Variants in COPZ1 observed in about 807,000 individuals in gnomAD.
COPZ1 encodes the protein coatomer subunit zeta-1.
A neutral mutation model predicts 31.7 loss-of-function variants in COPZ1; 4 were observed. The ratio of observed to expected loss-of-function variants is 0.13; its 90% confidence interval spans 0.06 to 0.29. The LOEUF is 0.29. Ranked by LOEUF, COPZ1 falls within the 10% of genes least tolerant of loss-of-function variation. The probability of loss-of-function intolerance (pLI) is 1.00; values close to 1 mark genes in which losing one functional copy is unlikely to be tolerated. For missense variants in COPZ1, 156 were observed against 211.5 expected, an observed-to-expected ratio of 0.74 and a Z score of 1.63; for synonymous variants, 74 against 79.0, an observed-to-expected ratio of 0.94 and a Z score of 0.33.
At chr12:54,344,177 G>A (rs909961455) in intron 4 of COPZ1, among the ~76,000 whole-genome samples, 1 of 152,182 alleles carries the variant, frequency 6.6e-6, no homozygotes, top group South Asian at 2.1e-4. Context: ...TAGGCCGAAC[G>A]TGGTGGCTCA....
intron 2 of COPZ1, among the ~76,000 whole-genome samples, chr12:54,340,978 T>C (rs1953964240): frequency 6.6e-6 from 1 of 152,136 alleles, no homozygotes; most frequent in South Asian, 2.1e-4. Context: ...GGATTACAGG[T>C]GTGAGCCACC....
At chr12:54,340,488 C>T (rs750737631) in intron 1 of COPZ1, 59 bp from the exon 2 acceptor site, 1 of 1,606,166 alleles carries the variant, frequency 6.2e-7, no homozygotes, top group Admixed American at 1.7e-5. Flanking sequence ...GGGAAGGTAT[C>T]TGGTTTACCA....
intron 1 of COPZ1, among the ~76,000 whole-genome samples, chr12:54,328,027 CT>C (rs1565587935): frequency 6.6e-6 from 1 of 152,038 alleles, no homozygotes; most frequent in African/African-American, 2.4e-5. Flanking sequence ...AATCCTAGCA[CT>C]TTGGGAGGCT....
chr12:54,339,890 G>A (rs1292016149), intron 1 of COPZ1, among the ~76,000 whole-genome samples: 1 of 152,000 alleles, frequency 6.6e-6, no homozygotes, highest in Non-Finnish European at 1.5e-5. Context: ...AGTGGTAGTG[G>A]TTAAGGTATA....
At position 54,350,602 on chromosome 12, in the gene COPZ1, C is replaced by T. The variant is rs1026232472; in HGVS notation, c.*79C>T. The T allele has an allele frequency of 1.7e-5, 19 of 1,143,754 alleles. No homozygotes were observed. Among genetic ancestry groups the T allele is most frequent in the Admixed American group, 8.4e-5 (5 of 59,356 alleles). 70.9% of individuals were successfully genotyped at this position (1,143,754 alleles called of 1,614,324 possible). ...GTGAATTTTCATCTAGTTCCCCAAT[C>T]GATGCTCTCAGGGTCATCTCGGGGA... On this transcript the variant is annotated 3_prime_UTR_variant, in exon 9 of 9. Coordinates refer to ENST00000262061, the MANE Select transcript of COPZ1 (RefSeq NM_016057.3).
rs545644099 is a variant in COPZ1, at chr12:54,342,390, T to C, written c.169+103T>C. The C allele has an allele frequency of 4.7e-6, 4 of 842,604 alleles. No individual in the cohort carries two copies. The Admixed American group carries it at 6.3e-5, about 13-fold the overall frequency. 52.2% of individuals were successfully genotyped at this position (842,604 alleles called of 1,614,324 possible). A position where few individuals can be genotyped will look rare whatever the true frequency, so the allele number is the denominator to read the frequency against. On this transcript the variant is annotated intron_variant, in intron 3 of 8. Transcript: ENST00000262061. ...AAAGGATGAAATGACTCTGCCTTTT[T>C]CTTTTTTTTTCCTTCTTCCCCTTGT... is the stretch of plus-strand genomic sequence containing the variant.
intron 1 of COPZ1, chr12:54,340,240 A>G: frequency 2.3e-6 from 1 of 428,944 alleles, no homozygotes; most frequent in Non-Finnish European, 4.1e-6. Flanking sequence ...AATTTGGAAA[A>G]TAACTGTACC....
intron 1 of COPZ1, among the ~76,000 whole-genome samples, chr12:54,334,215 G>A (rs1437539697): frequency 1.3e-5 from 2 of 151,842 alleles, no homozygotes; most frequent in South Asian, 4.2e-4. Flanking sequence ...CCAACATGGC[G>A]AAACCCCGTC....
intron 1 of COPZ1, among the ~76,000 whole-genome samples, chr12:54,338,575 C>T (rs2137098814): frequency 6.6e-6 from 1 of 152,288 alleles, no homozygotes; most frequent in Middle Eastern, 3.4e-3. Flanking sequence ...CCCAAAGTGG[C>T]CACATCAGAA....
At position 54,332,528 on chromosome 12, in the gene COPZ1, G is replaced by C. The variant is rs59572291; in HGVS notation, c.18+7347G>C. On this transcript the variant is annotated intron_variant, in intron 1 of 8. Coordinates refer to ENST00000262061, the MANE Select transcript of COPZ1 (RefSeq NM_016057.3). ...GAGGCAGGCGGATCACCTGAGGTCA[G>C]GAGTTCGAGACCAGCCTTACCAACA... Among the ~76,000 whole-genome samples the C allele has an allele frequency of 4.0e-3, 605 of 152,164 alleles. 4 individuals are homozygous for C. The highest frequency in any genetic ancestry group is 0.014 in the African/African-American group (583 of 41,506).
chr12:54,325,235 C>CA, intron 1 of COPZ1, 54 bp downstream of exon 1: 6 of 1,543,168 alleles, frequency 3.9e-6, no homozygotes, highest in Non-Finnish European at 5.2e-6. Context: ...GGCCGGGAGT[C>CA]AGGGTTCAGC....
At chr12:54,347,737 T>C in intron 5 of COPZ1, 30 bp from the exon 6 acceptor site, 1 of 1,598,660 alleles carries the variant, frequency 6.3e-7, no homozygotes, top group Non-Finnish European at 8.5e-7. Flanking sequence ...TACAAGTTGG[T>C]TATTCTCTTC....
intron 1 of COPZ1, among the ~76,000 whole-genome samples, chr12:54,337,481 A>T (rs1953894006): frequency 6.6e-6 from 1 of 152,236 alleles, no homozygotes; most frequent in East Asian, 1.9e-4. Context: ...GGAGTTATTT[A>T]TAAACTTGCC....
chr12:54,342,742 C>T (rs1592207154), intron 3 of COPZ1: 1 of 175,270 alleles, frequency 5.7e-6, no homozygotes. Flanking sequence ...TACTTCTCTT[C>T]TCCTGCCACC....
At chr12:54,350,008 T>G in intron 8 of COPZ1, 1 of 592,724 alleles carries the variant, frequency 1.7e-6, no homozygotes, top group South Asian at 2.1e-5. Flanking sequence ...CTCTTATTAT[T>G]CAATTGAGGG....
At chr12:54,349,764 C>A in intron 8 of COPZ1, 106 bp downstream of exon 8, 1 of 950,680 alleles carries the variant, frequency 1.1e-6, no homozygotes, top group Non-Finnish European at 1.7e-6. Context: ...AGACTCAAGA[C>A]ACATCTTCCT....
chr12:54,345,956 CAAA>C (rs776353254), intron 5 of COPZ1, among the ~76,000 whole-genome samples: 3 of 96,724 alleles, frequency 3.1e-5, no homozygotes, highest in African/African-American at 3.8e-5. Flanking sequence ...GACTCTGTCT[CAAA>C]AAAAAAAAAA....
intron 1 of COPZ1, 68 bp from the exon 2 acceptor site, chr12:54,340,479 G>A (rs1953954664): frequency 6.2e-7 from 1 of 1,602,270 alleles, no homozygotes; most frequent in South Asian, 1.1e-5. Flanking sequence ...TGGGACTAGG[G>A]GAAGGTATCT....
rs1954149061 is a variant in COPZ1 at position 54,351,565 on chromosome 12, G to A, written c.*1042G>A. 2.0e-5 allele frequency: 3 copies of A among 152,130 alleles called. No homozygotes were observed. The highest frequency in any genetic ancestry group is 7.2e-5 in the African/African-American group (3 of 41,412). The allele number at this position is 152,130 out of a possible 1,614,324, so 9.4% of individuals were successfully genotyped here. A position where few individuals can be genotyped will look rare whatever the true frequency, so the allele number is the denominator to read the frequency against. ...GGTGCTTTTCTTCATAAAACCTTTG[G>A]GGTTTGGATTTCCCCAGGAAGATGG... On this transcript the variant is annotated 3_prime_UTR_variant, in exon 9 of 9. Transcript: ENST00000262061.
Sources: allele counts gnomAD v4.1 joint callset (sites outside exome capture counted in the v4.1 genomes callset), GRCh38; gene constraint gnomAD v4.1.1; transcripts MANE v1.5; gene names NCBI Gene and HGNC (gene_info 2026-07-23, HGNC 2026-07-21).